The following GLT1D1 variants were observed in gnomAD, a reference collection of about 807,000 sequenced individuals.
The protein encoded by GLT1D1 is glycosyltransferase 1 domain-containing protein 1.
A neutral mutation model predicts 28.7 loss-of-function variants in GLT1D1; 21 were observed. The ratio of observed to expected loss-of-function variants is 0.73; its 90% CI spans 0.52 to 1.05. The LOEUF is 1.05. Among genes scored for constraint, GLT1D1 ranks in the 50% least tolerant of loss-of-function variants. The pLI, the probability that GLT1D1 is intolerant of heterozygous loss-of-function variation, is 0.00. For synonymous variants in GLT1D1, 147 were observed against 124.8 expected, an observed-to-expected ratio of 1.18 and a Z score of -1.19; for missense variants, 343 against 330.6, an observed-to-expected ratio of 1.04 and a Z score of -0.29.
intron 1 of GLT1D1, among the ~76,000 whole-genome samples, chr12:128,868,390 A>G (rs1314302093): frequency 6.6e-6 from 1 of 151,992 alleles, no homozygotes; most frequent in Admixed American, 6.6e-5. Flanking sequence ...CTCCTCAAGT[A>G]AGTGCCAGGG....
chr12:128,936,580 C>G (rs888797835), intron 4 of GLT1D1, among the ~76,000 whole-genome samples: 4 of 152,260 alleles, frequency 2.6e-5, no homozygotes, highest in East Asian at 1.9e-4. Context: ...TTAGCTCAAC[C>G]GTTTCAACGA....
intron 4 of GLT1D1, among the ~76,000 whole-genome samples, 178 bp downstream of exon 8, chr12:128,927,332 G>A (rs951779642): frequency 2.0e-5 from 3 of 151,966 alleles, no homozygotes; most frequent in Non-Finnish European, 4.4e-5. Context: ...TCTACCTCCC[G>A]GGTTCAAGCA....
Position 128,896,635 on chromosome 12 carries a change from A to C in GLT1D1, c.324-2601A>C, listed in dbSNP as rs1469176028. Among the ~76,000 whole-genome samples, 5 of 135,084 alleles carry C rather than the reference A, an allele frequency of 3.7e-5. No individual in the cohort carries two copies. In the East Asian group the frequency reaches 1.1e-3, roughly 29 times the overall value. 88.6% of individuals were successfully genotyped at this position (135,084 alleles called of 152,430 possible). On this transcript the variant is annotated intron_variant, in intron 3 of 7. Transcript: ENST00000281703. ...TTGCTCTGTTGCCAGGCTGGAGTGC[A>C]GTGGCATGATCTTGGCTCACTGCAA...
intron 7 of GLT1D1, among the ~76,000 whole-genome samples, chr12:128,969,499 G>A (rs771036170): frequency 2.6e-5 from 4 of 152,172 alleles, no homozygotes; most frequent in Non-Finnish European, 2.9e-5. Context: ...GGTTTGCCCC[G>A]AGCTGGGTGT....
At chr12:128,870,187 C>T (rs762515686) in intron 1 of GLT1D1, among the ~76,000 whole-genome samples, 1 of 152,092 alleles carries the variant, frequency 6.6e-6, no homozygotes, top group Non-Finnish European at 1.5e-5. Context: ...ACGGTCACTC[C>T]AGCCTGGGCG....
chr12:128,982,167 G>A (rs1880375979), intron 7 of GLT1D1, among the ~76,000 whole-genome samples: 1 of 151,980 alleles, frequency 6.6e-6, no homozygotes, highest in Non-Finnish European at 1.5e-5. Flanking sequence ...AGCCGCGGGA[G>A]GAAAGGCCAG....
chr12:128,879,175 G>A (rs1278966695), intron 2 of GLT1D1, among the ~76,000 whole-genome samples: 1 of 152,076 alleles, frequency 6.6e-6, no homozygotes, highest in Non-Finnish European at 1.5e-5. Flanking sequence ...AAGTTCAGCA[G>A]TACATGTGCA....
intron 4 of GLT1D1, chr12:128,912,441 G>C (rs1222590764): frequency 6.6e-7 from 1 of 1,526,214 alleles, no homozygotes; most frequent in Non-Finnish European, 8.8e-7. Context: ...CTAAGGGTAA[G>C]GTCTATGTCC....
intron 1 of GLT1D1, among the ~76,000 whole-genome samples, chr12:128,857,355 CG>C (rs1349377360): frequency 6.6e-6 from 1 of 152,142 alleles, no homozygotes; most frequent in African/African-American, 2.4e-5. Context: ...TTAGTCACTT[CG>C]TTCTTTCTTT....
At chr12:128,890,352 T>G (rs1182319079) in intron 3 of GLT1D1, among the ~76,000 whole-genome samples, 1 of 152,212 alleles carries the variant, frequency 6.6e-6, no homozygotes, top group African/African-American at 2.4e-5. Flanking sequence ...CTCAATTTGT[T>G]GTCATTGTGT....
At chr12:128,904,676 C>T (rs7953413) in intron 4 of GLT1D1, among the ~76,000 whole-genome samples, 17,381 of 143,664 alleles carry the variant, frequency 0.12, 1,330 homozygotes, top group South Asian at 0.25. Context: ...CTCTGTTGCC[C>T]ATGCTGGAGT....
chr12:128,881,553 AAAAAAAAAAT>A (rs1957050950), intron 2 of GLT1D1, among the ~76,000 whole-genome samples: 1 of 68,130 alleles, frequency 1.5e-5, no homozygotes, highest in African/African-American at 6.8e-5. Context: ...AAAAAAAAAA[AAAAAAAAAAT>A]ATATATATAT....
intron 1 of GLT1D1, among the ~76,000 whole-genome samples, chr12:128,854,825 C>T (rs1403136349): frequency 6.6e-6 from 1 of 152,166 alleles, no homozygotes; most frequent in Non-Finnish European, 1.5e-5. Context: ...GCAATTGAGA[C>T]TCCACCAACA....
chr12:128,892,617 G>T (rs963642043), intron 3 of GLT1D1, among the ~76,000 whole-genome samples: 1 of 152,222 alleles, frequency 6.6e-6, no homozygotes, highest in African/African-American at 2.4e-5. Flanking sequence ...AAGCTGCATG[G>T]ATCAGATTCT....
intron 4 of GLT1D1, among the ~76,000 whole-genome samples, chr12:128,913,075 C>A (rs1871712385): frequency 6.6e-6 from 1 of 152,158 alleles, no homozygotes; most frequent in South Asian, 2.1e-4. Flanking sequence ...ACAAACCAAA[C>A]CAAATGCGGA....
At position 128,899,268 on chromosome 12, in the gene GLT1D1, A is replaced by C; in HGVS notation, c.356A>C (p.Glu119Ala). 1.2e-6 allele frequency: 2 copies of C among 1,613,732 alleles called. No homozygotes were observed. The highest frequency in any genetic ancestry group is 1.7e-6 in the Non-Finnish European group (2 of 1,179,626). ...GTCGCTTTCACAGAGTCAATGAAGGAAATGGCACAAGCGCAGTGGGTATGT... is the reference window on the plus strand; with the variant it reads ...GTCGCTTTCACAGAGTCAATGAAGGCAATGGCACAAGCGCAGTGGGTATGT... Residue 119 changes from glutamate to alanine, a missense_variant, in exon 4 of 8, where the codon GAA (glutamate) becomes GCA (alanine). Physicochemically the swap from Glu to Ala is moderately radical, Grantham distance 107. Coordinates refer to ENST00000281703, the MANE Select transcript of GLT1D1 (RefSeq NM_144669.3).
At position 128,856,183 on chromosome 12, in the gene GLT1D1, C is replaced by T. The variant is rs147116391; in HGVS notation, c.68+2534C>T. Among the ~76,000 whole-genome samples, 109 of 152,218 alleles carry T rather than the reference C, an allele frequency of 7.2e-4. 1 individual carries two copies. Among genetic ancestry groups the T allele is most frequent in the African/African-American group, 2.2e-3 (90 of 41,530 alleles). On this transcript the variant is annotated intron_variant, in intron 1 of 7. Transcript: ENST00000281703. ...ATGCATTTGCAAACTGTCATGGTGC[C>T]GATGGGAGTGTAGCAGTGAGGACAG...
chr12:128,862,807 G>A (rs531769984), intron 1 of GLT1D1, among the ~76,000 whole-genome samples: 4 of 152,196 alleles, frequency 2.6e-5, no homozygotes, highest in Non-Finnish European at 4.4e-5. Context: ...ACATCAGCTC[G>A]ATGCTAAGCA....
intron 3 of GLT1D1, among the ~76,000 whole-genome samples, chr12:128,895,337 A>C (rs1869502550): frequency 6.6e-6 from 1 of 151,922 alleles, no homozygotes; most frequent in Non-Finnish European, 1.5e-5. Context: ...GGTTCTCATT[A>C]TTTGACATTG....
Sources: allele counts gnomAD v4.1 joint callset (sites outside exome capture counted in the v4.1 genomes callset), GRCh38; gene constraint gnomAD v4.1.1; transcripts MANE v1.5; gene names NCBI Gene and HGNC (gene_info 2026-07-23, HGNC 2026-07-21).